Variants in TTC29 observed in about 807,000 individuals in gnomAD.
TTC29 encodes tetratricopeptide repeat protein 29.
A neutral mutation model predicts 58.1 loss-of-function variants in TTC29; 49 were observed. The ratio of observed to expected loss-of-function variants is 0.84; its 90% CI spans 0.67 to 1.07. TTC29 has a LOEUF of 1.07. Ranked by LOEUF, TTC29 falls within the 50% of genes least tolerant of loss-of-function variation. TTC29 has a pLI of 0.00. For missense variants in TTC29, 582 were observed against 555.6 expected (o/e 1.05, Z -0.48); for synonymous variants, 209 against 196.8 (o/e 1.06, Z -0.52).
chr4:146,814,106 G>A (rs1284977212), intron 10 of TTC29, among the ~76,000 whole-genome samples: 3 of 152,194 alleles, frequency 2.0e-5, no homozygotes, highest in Admixed American at 2.0e-4. Flanking sequence ...GAACTGACAT[G>A]TTTTTGATCA....
chr4:146,822,825 C>A (rs1051134515), intron 9 of TTC29, among the ~76,000 whole-genome samples: 1 of 152,020 alleles, frequency 6.6e-6, no homozygotes, highest in Non-Finnish European at 1.5e-5. Context: ...TATCTCATTG[C>A]GGTTTTGATT....
At chr4:146,896,067 A>G (rs1031684026) in intron 6 of TTC29, among the ~76,000 whole-genome samples, 1 of 152,098 alleles carries the variant, frequency 6.6e-6, no homozygotes, top group Non-Finnish European at 1.5e-5. Flanking sequence ...CTAATGTGCG[A>G]TTTTTTGCAA....
chr4:146,854,694 C>T (rs1000817356), intron 8 of TTC29, among the ~76,000 whole-genome samples: 8 of 152,104 alleles, frequency 5.3e-5, no homozygotes, highest in Non-Finnish European at 1.2e-4. Context: ...TCACTCACAC[C>T]GTCACTCTTG....
chr4:146,833,670 T>C (rs1728316002), intron 9 of TTC29, 136 bp downstream of exon 9: 1 of 686,192 alleles, frequency 1.5e-6, no homozygotes, highest in African/African-American at 1.8e-5. Flanking sequence ...TAACTTATGA[T>C]GAAAGGGTCA....
intron 11 of TTC29, among the ~76,000 whole-genome samples, chr4:146,713,111 CGTGTGTGTGT>C (rs10678715): frequency 3.6e-5 from 5 of 139,544 alleles, no homozygotes; most frequent in Admixed American, 7.2e-5. Context: ...GAGAATTGAT[CGTGTGTGTGT>C]GTGTGTGTGT....
chr4:146,759,393 T>G (rs1746702600), intron 11 of TTC29, among the ~76,000 whole-genome samples: 1 of 151,860 alleles, frequency 6.6e-6, no homozygotes, highest in Non-Finnish European at 1.5e-5. Context: ...TGACACTATT[T>G]CACAAGATAG....
chr4:146,898,080 C>A lies in TTC29; in HGVS notation c.586+5464G>T, dbSNP rs566102558. On this transcript the variant is annotated intron_variant, in intron 6 of 12. Coordinates refer to ENST00000325106, the MANE Select transcript of TTC29 (RefSeq NM_031956.4). ...AGCTGAACCACTGCTTCATAACACT[C>A]ATGGAAAAATAAAACAAAATCACAT... 3.3e-5 allele frequency among the ~76,000 whole-genome samples: 5 copies of A among 152,236 alleles called. No individual in the cohort carries two copies. In the East Asian group the frequency reaches 5.8e-4, roughly 18 times the overall value.
chr4:146,812,277 AT>A (rs1173139093), intron 10 of TTC29, among the ~76,000 whole-genome samples: 3 of 152,168 alleles, frequency 2.0e-5, no homozygotes, highest in Admixed American at 2.0e-4. Context: ...TTCTAATTAT[AT>A]TTCTGAGATT....
chr4:146,827,010 A>G (rs1402270436), intron 9 of TTC29, among the ~76,000 whole-genome samples: 1 of 151,890 alleles, frequency 6.6e-6, no homozygotes, highest in African/African-American at 2.4e-5. Flanking sequence ...CTAACCTTTT[A>G]TCGAGGTTCT....
At chr4:146,907,511 G>T (rs949275832) in intron 5 of TTC29, among the ~76,000 whole-genome samples, 2 of 152,122 alleles carry the variant, frequency 1.3e-5, no homozygotes, top group African/African-American at 4.8e-5. Flanking sequence ...TGTTTGTTTT[G>T]TTTTGAGATG....
At chr4:146,808,358 C>T (rs1414354259) in intron 10 of TTC29, among the ~76,000 whole-genome samples, 2 of 152,186 alleles carry the variant, frequency 1.3e-5, no homozygotes, top group African/African-American at 2.4e-5. Flanking sequence ...CTCACCACTC[C>T]TATTCAACAT....
intron 11 of TTC29, among the ~76,000 whole-genome samples, chr4:146,778,995 A>G (rs1340331819): frequency 2.4e-5 from 3 of 123,964 alleles, no homozygotes; most frequent in South Asian, 2.6e-4. Context: ...AAAAAAAAAA[A>G]AAAAAAAAGA....
At chr4:146,883,595 A>G (rs988307495) in intron 6 of TTC29, among the ~76,000 whole-genome samples, 48 of 152,044 alleles carry the variant, frequency 3.2e-4, no homozygotes, top group African/African-American at 1.1e-3. Flanking sequence ...CTCTGAAGAG[A>G]TATTTTAGGG....
At chr4:146,798,429 C>A (rs978689427) in intron 11 of TTC29, among the ~76,000 whole-genome samples, 5 of 152,024 alleles carry the variant, frequency 3.3e-5, no homozygotes, top group Non-Finnish European at 5.9e-5. Flanking sequence ...TAAATTCTAG[C>A]AGAAGGATCA....
At chr4:146,854,397 T>C (rs559240861) in intron 8 of TTC29, among the ~76,000 whole-genome samples, 2 of 152,320 alleles carry the variant, frequency 1.3e-5, no homozygotes, top group East Asian at 3.9e-4. Context: ...ACATTTGGGT[T>C]GCAATCAAAA....
chr4:146,909,916 G>A (rs1390024380), intron 4 of TTC29, among the ~76,000 whole-genome samples: 1 of 152,062 alleles, frequency 6.6e-6, no homozygotes, highest in African/African-American at 2.4e-5. Flanking sequence ...CCATACCCTT[G>A]TGACGCTTAC....
intron 11 of TTC29, among the ~76,000 whole-genome samples, chr4:146,744,559 T>C (rs760222830): frequency 6.6e-6 from 1 of 152,192 alleles, no homozygotes; most frequent in Non-Finnish European, 1.5e-5. Context: ...TCTTCTTCTA[T>C]ACATTCTAGT....
At chr4:146,728,846 T>TGTATATATAC (rs1744083589) in intron 11 of TTC29, among the ~76,000 whole-genome samples, 1 of 76,922 alleles carries the variant, frequency 1.3e-5, no homozygotes, top group Non-Finnish European at 2.8e-5. Flanking sequence ...CACATATATA[T>TGTATATATAC]GTATATATAT....
intron 11 of TTC29, among the ~76,000 whole-genome samples, chr4:146,773,763 A>C (rs1747890378): frequency 2.0e-5 from 3 of 150,630 alleles, no homozygotes. Context: ...AGAATGAATA[A>C]GTGAGGAGTT....
Sources: gnomAD v4.1 joint callset for allele counts (sites outside exome capture counted in the v4.1 genomes callset) on GRCh38, gnomAD v4.1.1 for gene constraint, MANE v1.5 for transcripts, NCBI Gene and HGNC (gene_info 2026-07-23, HGNC 2026-07-21) for gene names.